XIST: variants seen among roughly 807,000 people sequenced by gnomAD.
XIST encodes X inactive specific transcript, also known as X inactive specific transcript (non-protein coding).
At chrX:73,850,409 T>C in exon 1 of XIST, 1 of 540,902 alleles carries the variant, frequency 1.8e-6, no homozygotes, top group Middle Eastern at 3.1e-4. Context: ...ATTTCTATAA[T>C]AGTCACTTAA....
rs369296409 is a variant in XIST, at chrX:73,820,805, G to C, written n.19096C>G. The C allele has an allele frequency of 4.6e-4, 257 of 556,506 alleles. 1 individual carries two copies. Among genetic ancestry groups the C allele is most frequent in the Non-Finnish European group, 7.8e-4 (240 of 308,673 alleles). The allele number at this position is 556,506 out of a possible 1,213,427, so 45.9% of individuals were successfully genotyped here. A position where few individuals can be genotyped will look rare whatever the true frequency, so the allele number is the denominator to read the frequency against. ...TTCCAAACAGCAAAGACTCAAAAGA[G>C]ATTCTGCATTTCACATCAGTTCACA... On this transcript the variant is annotated non_coding_transcript_exon_variant, in exon 6 of 6. Transcript: ENST00000429829.
At chrX:73,841,585 CT>C (rs1449840842) in exon 1 of XIST, 1 of 558,810 alleles carries the variant, frequency 1.8e-6, no homozygotes, top group Non-Finnish European at 3.2e-6. Context: ...ACAAAACACC[CT>C]GTACACTAGT....
Position 73,852,161 on chromosome X carries a change from T to A in XIST, n.563A>T, listed in dbSNP as rs557536330. ...CGATGGGCCAAAAAAAGAAAATTTT[T>A]AAAAAGCAGATATCCGTCACCCCGA... On this transcript the variant is annotated non_coding_transcript_exon_variant, in exon 1 of 6. Coordinates refer to ENST00000429829, the Ensembl canonical transcript of XIST. 1.0e-3 allele frequency: 535 copies of A among 514,325 alleles called. 3 individuals are homozygous for A. In the African/African-American group the frequency reaches 0.012, roughly 12 times the overall value. The allele number at this position is 514,325 out of a possible 1,213,427, so 42.4% of individuals were successfully genotyped here. A position where few individuals can be genotyped will look rare whatever the true frequency, so the allele number is the denominator to read the frequency against.
chrX:73,836,319 G>A (rs1254586336), intron 2 of XIST, among the ~76,000 whole-genome samples: 1 of 111,758 alleles, frequency 8.9e-6, no homozygotes, highest in Non-Finnish European at 1.9e-5. Context: ...AACATTTAGG[G>A]CAGAAGGGTC....
At chrX:73,837,352 T>C (rs1441293270) in intron 2 of XIST, 1 of 408,721 alleles carries the variant, frequency 2.4e-6, no homozygotes, top group Non-Finnish European at 4.2e-6. Context: ...CAAATTCCAA[T>C]AGAGAGACAT....
chrX:73,852,105 T>C (rs765472519), exon 1 of XIST: 2 of 431,736 alleles, frequency 4.6e-6, no homozygotes, highest in Non-Finnish European at 7.9e-6. Flanking sequence ...CAAGGAAAAA[T>C]AAAAAAAAAA....
chrX:73,831,250 A>G (rs768657314), exon 4 of XIST: 130 of 544,520 alleles, frequency 2.4e-4, no homozygotes, highest in Non-Finnish European at 2.2e-4. Context: ...CTGTAAAACA[A>G]CAAGCCTATT....
At chrX:73,822,790 TA>T (rs1055835849) in exon 6 of XIST, 1 of 553,285 alleles carries the variant, frequency 1.8e-6, no homozygotes, top group African/African-American at 2.2e-5. Flanking sequence ...AACGAAAAAA[TA>T]AAAAGCCCTC....
At chrX:73,835,093 A>G (rs764250163) in intron 2 of XIST, among the ~76,000 whole-genome samples, 10 of 112,079 alleles carry the variant, frequency 8.9e-5, no homozygotes, top group Non-Finnish European at 1.9e-4. Flanking sequence ...ATAGAAGGTA[A>G]CCAAGTGATA....
rs780038264 is a variant in XIST, at chrX:73,825,432, C to T, written n.14469G>A. On this transcript the variant is annotated non_coding_transcript_exon_variant, in exon 6 of 6. Coordinates refer to ENST00000429829, the Ensembl canonical transcript of XIST. The stretch of plus-strand genomic sequence containing the variant: ...TACAAGTGCTTTACAGTTTACAAAG[C>T]ACATTCACTATTTTTTTTCAGGTCA... 10 of 544,835 alleles carry T rather than the reference C, an allele frequency of 1.8e-5. No homozygotes were observed. The African/African-American group carries it at 2.2e-4, about 12-fold the overall frequency. 44.9% of individuals were successfully genotyped at this position (544,835 alleles called of 1,213,427 possible).
At chrX:73,851,150 C>T in exon 1 of XIST, 1 of 559,501 alleles carries the variant, frequency 1.8e-6, no homozygotes, top group Non-Finnish European at 3.2e-6. Context: ...TGCAGCAATC[C>T]AGCACTGTCC....
At chrX:73,842,842 C>G (rs1267547188) in exon 1 of XIST, 2 of 556,188 alleles carry the variant, frequency 3.6e-6, no homozygotes, top group Non-Finnish European at 6.5e-6. Flanking sequence ...ACAGCACAAT[C>G]TTACCTAATA....
exon 6 of XIST, chrX:73,823,803 C>T (rs1417169219): frequency 3.6e-6 from 2 of 556,495 alleles, no homozygotes; most frequent in South Asian, 4.4e-5. Flanking sequence ...ACTGAATAAA[C>T]TTGTTAAATG....
exon 1 of XIST, chrX:73,849,587 T>C (rs1430318056): frequency 3.6e-6 from 2 of 558,431 alleles, no homozygotes; most frequent in South Asian, 2.2e-5. Flanking sequence ...AAGCTCTCAA[T>C]TGACATTCCC....
exon 6 of XIST, chrX:73,824,901 T>C (rs748774589): frequency 1.8e-6 from 1 of 550,239 alleles, no homozygotes; most frequent in African/African-American, 2.2e-5. Context: ...ACTTTCCTCT[T>C]ATTACATAGG....
exon 1 of XIST, chrX:73,848,559 G>C (rs764938529): frequency 1.8e-6 from 1 of 556,055 alleles, no homozygotes; most frequent in African/African-American, 2.2e-5. Flanking sequence ...CCACATTGTA[G>C]CGTGCAAATA....
At chrX:73,832,403 C>T (rs916876757) in intron 3 of XIST, among the ~76,000 whole-genome samples, 8 of 111,102 alleles carry the variant, frequency 7.2e-5, no homozygotes, top group African/African-American at 2.6e-4. Flanking sequence ...TACAGAAAAC[C>T]AGGGATTCAG....
At chrX:73,849,907 G>T in exon 1 of XIST, 1 of 528,487 alleles carries the variant, frequency 1.9e-6, no homozygotes, top group South Asian at 2.4e-5. Context: ...GTAGGGCTGG[G>T]GCTAGACTAG....
At chrX:73,837,973 T>C (rs1443837221) in intron 1 of XIST, among the ~76,000 whole-genome samples, 1 of 111,841 alleles carries the variant, frequency 8.9e-6, no homozygotes, top group African/African-American at 3.2e-5. Flanking sequence ...CAAAAAGTTA[T>C]TTTTTAAAAA....
Sources: allele counts gnomAD v4.1 joint callset (sites outside exome capture counted in the v4.1 genomes callset), GRCh38; gene constraint gnomAD v4.1.1; transcripts MANE v1.5; gene names NCBI Gene and HGNC (gene_info 2026-07-23, HGNC 2026-07-21).